The following EIF2S3B variants were observed in gnomAD, a reference collection of about 807,000 sequenced individuals.
The protein encoded by EIF2S3B is eukaryotic translation initiation factor 2 subunit gamma B.
EIF2S3B carries 16 observed loss-of-function variants against 26.4 expected under a neutral mutation model. The ratio of observed to expected loss-of-function variants is 0.61; its 90% confidence interval spans 0.41 to 0.92. EIF2S3B has a LOEUF of 0.92. Among genes scored for constraint, EIF2S3B ranks in the 40% least tolerant of loss-of-function variants. The pLI, the probability that EIF2S3B is intolerant of heterozygous loss-of-function variation, is 0.00. For synonymous variants in EIF2S3B, 183 were observed against 204.4 expected (o/e 0.90, Z 0.89); for missense variants, 510 against 575.5 (o/e 0.89, Z 1.16).
chr12:10,507,349 A>T lies in EIF2S3B; in HGVS notation c.*28A>T. On this transcript the variant is annotated 3_prime_UTR_variant, in exon 1 of 1. Transcript: ENST00000538173. Reference sequence around the variant, plus strand: ...AATACCGGTTAAATAATACATTCGGATGGAGCTGGAAGTTGCAATTTCTCT... The same window carrying T: ...AATACCGGTTAAATAATACATTCGGTTGGAGCTGGAAGTTGCAATTTCTCT... 6.2e-7 allele frequency: 1 copy of T among 1,611,788 alleles called. No homozygotes were observed. The highest frequency in any genetic ancestry group is 8.5e-7 in the Non-Finnish European group (1 of 1,177,892).
At chr12:10,517,766 G>T in intron 1 of EIF2S3B, among the ~76,000 whole-genome samples, 1 of 152,230 alleles carries the variant, frequency 6.6e-6, no homozygotes, top group Middle Eastern at 3.4e-3. Flanking sequence ...AAATTTCCCT[G>T]TACACACTGC....
rs1164016540 is a variant in EIF2S3B, at chr12:10,522,642, TG to T, written c.1352del (p.Gly451AlafsTer44). 2 of 698,016 alleles carry T rather than the reference TG, an allele frequency of 2.9e-6. No individual in the cohort carries two copies. Among genetic ancestry groups the T allele is most frequent in the Non-Finnish European group, 5.2e-6 (2 of 382,026 alleles). 43.2% of individuals were successfully genotyped at this position (698,016 alleles called of 1,614,324 possible). A position where few individuals can be genotyped will look rare whatever the true frequency, so the allele number is the denominator to read the frequency against. On this transcript the variant is annotated frameshift_variant, in exon 2 of 2. Transcript: ENST00000322446. LOFTEE classifies it high-confidence loss of function. ...CCTTGATTTGATTAAGGAATTAGAA[TG>T]GGGCCCAGTTCTTACCAATGAGACA... is the stretch of plus-strand genomic sequence containing the variant.
chr12:10,509,877 T>TAAAGAACA (rs1170476255), downstream of EIF2S3B, among the ~76,000 whole-genome samples: 1 of 152,114 alleles, frequency 6.6e-6, no homozygotes, highest in Non-Finnish European at 1.5e-5. Context: ...ACATAGATTT[T>TAAAGAACA]ATGGGCACAT....
intron 1 of EIF2S3B, chr12:10,522,590 C>T (rs372327808): frequency 2.1e-5 from 14 of 674,964 alleles, no homozygotes; most frequent in East Asian, 1.6e-4. Context: ...ACATCCATTG[C>T]ATTCTCTTCC....
downstream of EIF2S3B, among the ~76,000 whole-genome samples, chr12:10,510,532 C>G (rs2137945680): frequency 6.6e-6 from 1 of 152,228 alleles, no homozygotes; most frequent in African/African-American, 2.4e-5. Flanking sequence ...TGACAGGAGG[C>G]ACAGCCTTTT....
chr12:10,516,836 G>C (rs1214182818), intron 1 of EIF2S3B, among the ~76,000 whole-genome samples: 1 of 152,042 alleles, frequency 6.6e-6, no homozygotes, highest in Non-Finnish European at 1.5e-5. Flanking sequence ...GCTGAATTTT[G>C]TCAAAGGCCT....
chr12:10,507,106 G>T lies in EIF2S3B; in HGVS notation c.1204G>T (p.Glu402Ter). 2 of 1,613,828 alleles carry T rather than the reference G, an allele frequency of 1.2e-6. No homozygotes were observed. Among genetic ancestry groups the T allele is most frequent in the African/African-American group, 2.7e-5 (2 of 75,042 alleles). Reference protein sequence around the residue: ...AAKVQKLSKNEVLMVNIGSLS... With the variant: ...AAKVQKLSKN The stretch of plus-strand genomic sequence containing the variant: ...AAAGGTTCAAAAGCTGTCTAAGAAT[G>T]AAGTGCTCATGGTGAACATAGGATC... The change falls in exon 1 of 1, where the codon GAA becomes TAA. Residue 402 changes from glutamate to a stop codon, truncating the protein, a stop_gained. Coordinates refer to ENST00000538173, the MANE Select transcript of EIF2S3B (RefSeq NM_001357734.3). LOFTEE classifies it high-confidence loss of function.
At chr12:10,522,072 A>G (rs1016013712) in intron 1 of EIF2S3B, among the ~76,000 whole-genome samples, 12 of 152,242 alleles carry the variant, frequency 7.9e-5, no homozygotes, top group Non-Finnish European at 1.8e-4. Context: ...AGTAAAGTTG[A>G]CTTTCAGTCT....
intron 1 of EIF2S3B, chr12:10,522,478 A>C: frequency 1.9e-6 from 1 of 514,106 alleles, no homozygotes; most frequent in Non-Finnish European, 3.5e-6. Flanking sequence ...AGCATCATTC[A>C]ATTAATGGAG....
downstream of EIF2S3B, among the ~76,000 whole-genome samples, chr12:10,510,717 T>C (rs904723069): frequency 6.6e-6 from 1 of 152,102 alleles, no homozygotes; most frequent in Non-Finnish European, 1.5e-5. Flanking sequence ...CAGGGAAAAA[T>C]ACTGTTGAGC....
chr12:10,522,856 G>T, exon 2 of EIF2S3B: 1 of 509,288 alleles, frequency 2.0e-6, no homozygotes, highest in Middle Eastern at 2.9e-4. Flanking sequence ...CATGTTTACA[G>T]CCAGCCCTAC....
At chr12:10,511,471 A>G (rs920402159), downstream of EIF2S3B, among the ~76,000 whole-genome samples, 1 of 152,142 alleles carries the variant, frequency 6.6e-6, no homozygotes, top group Non-Finnish European at 1.5e-5. Flanking sequence ...CTGAAATTCT[A>G]AAGAACAAAG....
At chr12:10,519,817 T>C (rs1206841526) in intron 1 of EIF2S3B, among the ~76,000 whole-genome samples, 6 of 150,996 alleles carry the variant, frequency 4.0e-5, no homozygotes, top group South Asian at 2.1e-4. Context: ...GAGATACCAT[T>C]TCACACCAGT....
At chr12:10,521,077 T>C (rs575722670) in intron 1 of EIF2S3B, among the ~76,000 whole-genome samples, 3 of 152,318 alleles carry the variant, frequency 2.0e-5, no homozygotes, top group Admixed American at 2.0e-4. Flanking sequence ...TCCAGATGTA[T>C]ATCTTCTCTT....
Position 10,506,099 on chromosome 12 carries a change from C to A in EIF2S3B, c.197C>A (p.Thr66Asn), listed in dbSNP as rs762141364. ...GTCAAAGCTATTTCTGGAGTTCACA[C>A]CGTCAGGTTCAAAAATGAACTAGAA... is the stretch of plus-strand genomic sequence containing the variant. ...TVVKAISGVH[T>N]VRFKNELERN... The change falls in exon 1 of 1, where the codon ACC (threonine) becomes AAC (asparagine). Residue 66 changes from threonine (T) to asparagine (N), a missense_variant. Physicochemically the swap from Thr to Asn is moderately conservative, Grantham distance 65. Coordinates refer to ENST00000538173, the MANE Select transcript of EIF2S3B (RefSeq NM_001357734.3). The A allele has an allele frequency of 6.3e-7, 1 of 1,593,660 alleles. No homozygotes were observed. Among genetic ancestry groups the A allele is most frequent in the African/African-American group, 1.3e-5 (1 of 74,460 alleles).
downstream of EIF2S3B, among the ~76,000 whole-genome samples, chr12:10,508,525 C>CAAAAAAAAAAAAAAAA: frequency 1.6e-5 from 1 of 62,972 alleles, no homozygotes; most frequent in Non-Finnish European, 2.9e-5. Context: ...TGTTAGAAAG[C>CAAAAAAAAAAAAAAAA]AAAAAAAAAA....
downstream of EIF2S3B, among the ~76,000 whole-genome samples, chr12:10,512,943 G>A (rs987182169): frequency 2.0e-5 from 3 of 152,146 alleles, no homozygotes; most frequent in South Asian, 2.1e-4. Flanking sequence ...TTCATAAGAC[G>A]CTTTTATCAT....
downstream of EIF2S3B, among the ~76,000 whole-genome samples, chr12:10,511,462 T>C (rs1477970389): frequency 6.6e-6 from 1 of 152,140 alleles, no homozygotes; most frequent in East Asian, 1.9e-4. Context: ...TGGCATTTAC[T>C]GAAATTCTAA....
At chr12:10,520,258 G>A (rs1213711152) in intron 1 of EIF2S3B, among the ~76,000 whole-genome samples, 8 of 146,624 alleles carry the variant, frequency 5.5e-5, no homozygotes, top group Non-Finnish European at 1.1e-4. Flanking sequence ...ACTATCACAA[G>A]GACAAAAAAC....
Sources: gnomAD v4.1 joint callset for allele counts (sites outside exome capture counted in the v4.1 genomes callset) on GRCh38, gnomAD v4.1.1 for gene constraint, MANE v1.5 for transcripts, NCBI Gene and HGNC (gene_info 2026-07-23, HGNC 2026-07-21) for gene names.